The following DPYD variants were observed in gnomAD, a reference collection of about 807,000 sequenced individuals.
DPYD encodes the protein dihydropyrimidine dehydrogenase [NADP(+)].
A neutral mutation model predicts 116.2 loss-of-function variants in DPYD; 109 were observed. The observed-to-expected ratio is 0.94, with a 90% CI of 0.80 to 1.10. The LOEUF is 1.10. Among genes scored for constraint, DPYD ranks in the 50% least tolerant of loss-of-function variants. The pLI, the probability that DPYD is intolerant of heterozygous loss-of-function variation, is 0.00. For synonymous variants in DPYD, 440 were observed against 432.0 expected (o/e 1.02, Z -0.23); for missense variants, 1,302 against 1,254.5 (o/e 1.04, Z -0.57).
intron 5 of DPYD, among the ~76,000 whole-genome samples, chr1:97,699,983 C>T (rs765430231): frequency 2.3e-4 from 35 of 152,074 alleles, no homozygotes; most frequent in African/African-American, 6.5e-4. Flanking sequence ...CGATGGCACA[C>T]GGTAGACATT....
At chr1:97,403,047 A>G (rs1237091080) in intron 14 of DPYD, among the ~76,000 whole-genome samples, 2 of 151,912 alleles carry the variant, frequency 1.3e-5, no homozygotes, top group East Asian at 1.9e-4. Context: ...ATCTTAAGAG[A>G]TACTGGTCTA....
chr1:97,433,532 T>G (rs1250072642), intron 14 of DPYD, among the ~76,000 whole-genome samples: 1 of 152,170 alleles, frequency 6.6e-6, no homozygotes, highest in African/African-American at 2.4e-5. Flanking sequence ...TTAGGTAAGT[T>G]TTTTAAAAGT....
chr1:97,341,871 T>C (rs954615921), intron 16 of DPYD, among the ~76,000 whole-genome samples: 1 of 152,154 alleles, frequency 6.6e-6, no homozygotes, highest in African/African-American at 2.4e-5. Context: ...GGTTGGTAGC[T>C]TGAAATTGGC....
intron 18 of DPYD, among the ~76,000 whole-genome samples, chr1:97,300,569 G>T (rs1666803177): frequency 6.6e-6 from 1 of 152,166 alleles, no homozygotes; most frequent in East Asian, 1.9e-4. Context: ...TCAGTTGCTG[G>T]CATGCGTGAA....
chr1:97,704,752 T>C (rs1003289643), intron 5 of DPYD, among the ~76,000 whole-genome samples: 6 of 152,000 alleles, frequency 3.9e-5, no homozygotes, highest in South Asian at 2.1e-4. Context: ...GAAAGACCCC[T>C]CTTTTTTTCG....
At chr1:97,756,484 A>G (rs1004757783) in intron 3 of DPYD, among the ~76,000 whole-genome samples, 4 of 152,180 alleles carry the variant, frequency 2.6e-5, no homozygotes, top group Non-Finnish European at 5.9e-5. Flanking sequence ...CCATATGATG[A>G]GACAACACTA....
chr1:97,084,008 T>A (rs1483837594), intron 21 of DPYD, among the ~76,000 whole-genome samples: 1 of 152,106 alleles, frequency 6.6e-6, no homozygotes, highest in Non-Finnish European at 1.5e-5. Context: ...TGTAAGAGAC[T>A]ACTTGATAAG....
chr1:97,314,378 A>T (rs1358993799), intron 16 of DPYD, among the ~76,000 whole-genome samples: 3 of 151,818 alleles, frequency 2.0e-5, no homozygotes, highest in Non-Finnish European at 4.4e-5. Context: ...TTTCTGGTGA[A>T]CATAACTTAA....
intron 2 of DPYD, among the ~76,000 whole-genome samples, chr1:97,879,658 C>G (rs1672087630): frequency 6.6e-6 from 1 of 151,838 alleles, no homozygotes; most frequent in Admixed American, 6.6e-5. Context: ...TATTAAACTA[C>G]CAAGTGAAGA....
chr1:97,352,795 T>A (rs1670219590), intron 16 of DPYD, among the ~76,000 whole-genome samples: 1 of 152,160 alleles, frequency 6.6e-6, no homozygotes, highest in Non-Finnish European at 1.5e-5. Flanking sequence ...AAAGTGCACC[T>A]TTCGTGAAGG....
In DPYD at chr1:97,845,022, G is replaced by A. The variant is rs186091063; in HGVS notation, c.151-16826C>T. ...GGACTTTGGGTACCGATGAACAACA[G>A]TGGAAAGCAGGGGGTGCTGAGGGGT... On this transcript the variant is annotated intron_variant, in intron 2 of 22. Transcript: ENST00000370192. Among the ~76,000 whole-genome samples, 7 of 152,344 alleles carry A rather than the reference G, an allele frequency of 4.6e-5. No individual in the cohort carries two copies. In the East Asian group the frequency reaches 1.4e-3, roughly 29 times the overall value.
intron 13 of DPYD, among the ~76,000 whole-genome samples, chr1:97,505,783 T>C (rs1647282588): frequency 6.6e-6 from 1 of 151,964 alleles, no homozygotes; most frequent in Admixed American, 6.6e-5. Flanking sequence ...TTTAATGACA[T>C]TTTAAGCTAA....
At chr1:97,421,438 AAAAAC>A (rs1176873916) in intron 14 of DPYD, among the ~76,000 whole-genome samples, 1 of 145,912 alleles carries the variant, frequency 6.9e-6, no homozygotes, top group Non-Finnish European at 1.5e-5. Context: ...TTTCTGAGCA[AAAAAC>A]AAAACAAAAC....
chr1:97,640,916 G>A (rs573399754), intron 8 of DPYD, among the ~76,000 whole-genome samples: 3 of 152,282 alleles, frequency 2.0e-5, no homozygotes, highest in African/African-American at 7.2e-5. Context: ...ATGACATTTA[G>A]TATAAGTAAT....
At chr1:97,504,470 C>T (rs1402595044) in intron 13 of DPYD, among the ~76,000 whole-genome samples, 6 of 151,842 alleles carry the variant, frequency 4.0e-5, no homozygotes, top group Non-Finnish European at 7.4e-5. Context: ...CTTGGAAAGG[C>T]AAATGTGTTG....
chr1:97,492,827 A>G (rs905322815), intron 13 of DPYD, among the ~76,000 whole-genome samples: 1 of 152,166 alleles, frequency 6.6e-6, no homozygotes, highest in African/African-American at 2.4e-5. Flanking sequence ...GAAACCCCCC[A>G]CCCAGAAGTA....
intron 13 of DPYD, among the ~76,000 whole-genome samples, chr1:97,473,843 C>A (rs929999557): frequency 6.6e-6 from 1 of 151,610 alleles, no homozygotes; most frequent in African/African-American, 2.4e-5. Context: ...CCCATCTCTA[C>A]AAAAAACATA....
Position 97,863,770 on chromosome 1 carries a change from A to T in DPYD, c.150+19494T>A, listed in dbSNP as rs576851920. 7.2e-5 allele frequency among the ~76,000 whole-genome samples: 11 copies of T among 151,994 alleles called. No individual in the cohort carries two copies. In the South Asian group the frequency reaches 2.3e-3, roughly 32 times the overall value. On this transcript the variant is annotated intron_variant, in intron 2 of 22. Coordinates refer to ENST00000370192, the MANE Select transcript of DPYD (RefSeq NM_000110.4). ...CAACCAATTTTAAAAAACCCTTCAA[A>T]CTAGAATAAAAATAAAATAATTAAT...
At chr1:97,439,561 T>C (rs1675640529) in intron 14 of DPYD, among the ~76,000 whole-genome samples, 1 of 152,296 alleles carries the variant, frequency 6.6e-6, no homozygotes, top group South Asian at 2.1e-4. Context: ...GCAGTGATGT[T>C]ATCTCTCTCC....
Sources: allele counts gnomAD v4.1 joint callset (sites outside exome capture counted in the v4.1 genomes callset), GRCh38; gene constraint gnomAD v4.1.1; transcripts MANE v1.5; gene names NCBI Gene and HGNC (gene_info 2026-07-23, HGNC 2026-07-21).